WASF1: variants seen among roughly 807,000 people sequenced by gnomAD.
WASF1 encodes actin-binding protein WASF1.
A neutral mutation model predicts 50.5 loss-of-function variants in WASF1; 7 were observed. That is an observed-to-expected ratio of 0.14 (90% CI 0.08 to 0.26). WASF1 has a LOEUF of 0.26. Among genes scored for constraint, WASF1 ranks in the 10% least tolerant of loss-of-function variants. The pLI, the probability that WASF1 is intolerant of heterozygous loss-of-function variation, is 1.00. For synonymous variants in WASF1, 205 were observed against 244.0 expected, an observed-to-expected ratio of 0.84 and a Z score of 1.49; for missense variants, 470 against 694.7, an observed-to-expected ratio of 0.68 and a Z score of 3.64.
chr6:110,178,366 A>C (rs1777024723), intron 2 of WASF1, among the ~76,000 whole-genome samples: 1 of 152,262 alleles, frequency 6.6e-6, no homozygotes, highest in African/African-American at 2.4e-5. Context: ...ATTTCTAATT[A>C]TGATATAATG....
intron 3 of WASF1, among the ~76,000 whole-genome samples, chr6:110,154,244 C>T (rs117500399): frequency 0.012 from 1,752 of 152,102 alleles, 16 homozygotes; most frequent in Non-Finnish European, 0.018. Flanking sequence ...TAATACAATA[C>T]AATATCATAT....
At chr6:110,131,934 C>T (rs1224662233) in intron 3 of WASF1, among the ~76,000 whole-genome samples, 1 of 152,306 alleles carries the variant, frequency 6.6e-6, no homozygotes, top group South Asian at 2.1e-4. Context: ...ATAACACATA[C>T]ACCCACCTCT....
chr6:110,138,767 A>C (rs928148535), intron 3 of WASF1, among the ~76,000 whole-genome samples: 1 of 152,126 alleles, frequency 6.6e-6, no homozygotes, highest in African/African-American at 2.4e-5. Context: ...CTCAGAAGGG[A>C]GGAAGAGCAT....
intron 2 of WASF1, among the ~76,000 whole-genome samples, chr6:110,176,953 T>C (rs905242589): frequency 1.3e-5 from 2 of 152,214 alleles, no homozygotes; most frequent in Admixed American, 6.5e-5. Context: ...AATCTTTTGA[T>C]AGTAGTCCAA....
At chr6:110,141,963 G>A (rs968916828) in intron 3 of WASF1, among the ~76,000 whole-genome samples, 16 of 151,914 alleles carry the variant, frequency 1.1e-4, no homozygotes, top group African/African-American at 3.9e-4. Context: ...GTAGAGACAG[G>A]GTTTCACCGT....
intron 2 of WASF1, among the ~76,000 whole-genome samples, chr6:110,173,474 A>G (rs1007502489): frequency 2.0e-5 from 3 of 152,150 alleles, no homozygotes; most frequent in Non-Finnish European, 2.9e-5. Flanking sequence ...GAAATCACAC[A>G]TATCTGTGCT....
chr6:110,149,262 CTATTTCA>C (rs1273465058), intron 3 of WASF1, among the ~76,000 whole-genome samples: 3 of 151,780 alleles, frequency 2.0e-5, no homozygotes, highest in African/African-American at 7.3e-5. Context: ...CCCGCTTTAC[CTATTTCA>C]GCCTGAAGGA....
At chr6:110,121,943 C>A (rs1453591818) in intron 4 of WASF1, among the ~76,000 whole-genome samples, 2 of 150,326 alleles carry the variant, frequency 1.3e-5, no homozygotes, top group African/African-American at 4.9e-5. Context: ...GTTGGAAAAC[C>A]AAACACCAGA....
chr6:110,127,443 T>C, intron 4 of WASF1, 26 bp downstream of exon 4: 4 of 1,537,740 alleles, frequency 2.6e-6, no homozygotes, highest in Non-Finnish European at 3.5e-6. Context: ...GGTTTGTGAG[T>C]ATATTTTTAA....
chr6:110,135,852 C>T (rs543081673), intron 3 of WASF1, among the ~76,000 whole-genome samples: 1 of 143,630 alleles, frequency 7.0e-6, no homozygotes, highest in Non-Finnish European at 1.5e-5. Flanking sequence ...GCATTTACAT[C>T]CATGAGAGAA....
At chr6:110,145,449 A>T (rs183103784) in intron 3 of WASF1, among the ~76,000 whole-genome samples, 377 of 152,236 alleles carry the variant, frequency 2.5e-3, no homozygotes, top group Non-Finnish European at 4.5e-3. Flanking sequence ...AATGCCCTTT[A>T]TTCCCTTCTC....
intron 3 of WASF1, among the ~76,000 whole-genome samples, chr6:110,135,163 T>A (rs1774889490): frequency 6.6e-6 from 1 of 152,230 alleles, no homozygotes; most frequent in Non-Finnish European, 1.5e-5. Context: ...TGGATTTGAT[T>A]CTCAGCTTGG....
At position 110,129,619 on chromosome 6, in the gene WASF1, AAAAG is replaced by A. The variant is rs1444100722; in HGVS notation, c.-28-1994_-28-1991del. Among the ~76,000 whole-genome samples the A allele has an allele frequency of 4.0e-5, 6 of 148,524 alleles. 1 individual carries two copies. The highest frequency in any genetic ancestry group is 3.3e-4 in the Admixed American group (5 of 15,100). On this transcript the variant is annotated intron_variant, in intron 3 of 10. Transcript: ENST00000392589. ...AAACGTTGGAAGCTAATCCTAATTT[AAAAG>A]AAAGGAGTGTGACAATTTGCCAAGG... is the stretch of plus-strand genomic sequence containing the variant.
chr6:110,100,794 A>C (rs56349406), intron 10 of WASF1, 115 bp from the exon 11 acceptor site: 22 of 1,164,900 alleles, frequency 1.9e-5, no homozygotes, highest in Non-Finnish European at 2.4e-5. Flanking sequence ...GAAAATAAAA[A>C]GATCAGAAAA....
chr6:110,171,740 C>G (rs548770467), intron 2 of WASF1, among the ~76,000 whole-genome samples: 1 of 152,104 alleles, frequency 6.6e-6, no homozygotes, highest in Non-Finnish European at 1.5e-5. Flanking sequence ...TCAGAGCGAA[C>G]AGGCAACCTA....
chr6:110,159,922 T>C (rs1202386063), intron 3 of WASF1, among the ~76,000 whole-genome samples: 1 of 151,836 alleles, frequency 6.6e-6, no homozygotes, highest in Non-Finnish European at 1.5e-5. Context: ...TTAGGGATGC[T>C]CAACCTATAC....
At chr6:110,134,358 A>G (rs1774843379) in intron 3 of WASF1, among the ~76,000 whole-genome samples, 1 of 151,584 alleles carries the variant, frequency 6.6e-6, no homozygotes, top group Non-Finnish European at 1.5e-5. Context: ...GTTGAACATC[A>G]ATTGGCTGTA....
At chr6:110,124,703 T>G (rs1774344898) in intron 4 of WASF1, among the ~76,000 whole-genome samples, 1 of 152,046 alleles carries the variant, frequency 6.6e-6, no homozygotes, top group Non-Finnish European at 1.5e-5. Context: ...GGCCAGAAGT[T>G]CAAGGCCAGC....
At chr6:110,146,603 G>T (rs1454306998) in intron 3 of WASF1, among the ~76,000 whole-genome samples, 1 of 151,484 alleles carries the variant, frequency 6.6e-6, no homozygotes, top group Non-Finnish European at 1.5e-5. Flanking sequence ...GTCTTTAAAC[G>T]GTGATTTAAT....
Sources: gnomAD v4.1 joint callset for allele counts (sites outside exome capture counted in the v4.1 genomes callset) on GRCh38, gnomAD v4.1.1 for gene constraint, MANE v1.5 for transcripts, NCBI Gene and HGNC (gene_info 2026-07-23, HGNC 2026-07-21) for gene names.